Variants in ITGA9 observed in about 807,000 individuals in gnomAD.
The protein encoded by ITGA9 is integrin alpha-9.
In ITGA9, 56 loss-of-function variants were observed where a neutral mutation model predicts 127.8. That is an observed-to-expected ratio of 0.44 (90% CI 0.35 to 0.55). The LOEUF (loss-of-function observed/expected upper bound fraction) is 0.55. Ranked by LOEUF, ITGA9 falls within the 20% of genes least tolerant of loss-of-function variation. The pLI is 0.00. For missense variants in ITGA9, 1,196 were observed against 1,347.1 expected, an observed-to-expected ratio of 0.89 and a Z score of 1.76; for synonymous variants, 508 against 514.5, an observed-to-expected ratio of 0.99 and a Z score of 0.17.
At position 37,519,031 on chromosome 3, in the gene ITGA9, C is replaced by T. The variant is rs565192435; in HGVS notation, c.1142-229C>T. On this transcript the variant is annotated intron_variant, in intron 10 of 27. Coordinates refer to ENST00000264741, the MANE Select transcript of ITGA9 (RefSeq NM_002207.3). ...AACTCTTGACCTCAGGCGACCTGCCCGCCTTGGCCTGCCAAAGTGCTGGGA... is the reference window on the plus strand; with the variant it reads ...AACTCTTGACCTCAGGCGACCTGCCTGCCTTGGCCTGCCAAAGTGCTGGGA... 1.3e-5 allele frequency among the ~76,000 whole-genome samples: 2 copies of T among 151,184 alleles called. 1 individual carries two copies. Among genetic ancestry groups the T allele is most frequent in the African/African-American group, 4.9e-5 (2 of 41,220 alleles).
At chr3:37,783,581 C>G (rs2125553235) in intron 25 of ITGA9, among the ~76,000 whole-genome samples, 1 of 152,228 alleles carries the variant, frequency 6.6e-6, no homozygotes, top group African/African-American at 2.4e-5. Context: ...AAGTGATCCT[C>G]CCACTTCAGT....
At chr3:37,677,587 A>G (rs531523001) in intron 17 of ITGA9, among the ~76,000 whole-genome samples, 1 of 152,366 alleles carries the variant, frequency 6.6e-6, no homozygotes, top group East Asian at 1.9e-4. Context: ...AGTATGTTTC[A>G]TATACATTGA....
intron 15 of ITGA9, among the ~76,000 whole-genome samples, chr3:37,560,184 G>A (rs575246571): frequency 2.2e-4 from 34 of 151,792 alleles, no homozygotes; most frequent in Admixed American, 2.2e-3. Flanking sequence ...TCCCACCTAT[G>A]AGTGAGAACA....
intron 4 of ITGA9, among the ~76,000 whole-genome samples, chr3:37,483,757 T>TG: frequency 6.6e-6 from 1 of 152,188 alleles, no homozygotes; most frequent in South Asian, 2.1e-4. Context: ...TGGTAGGAGC[T>TG]GGGGGGAGAC....
chr3:37,458,603 T>C (rs1698284546), intron 1 of ITGA9, among the ~76,000 whole-genome samples: 1 of 152,244 alleles, frequency 6.6e-6, no homozygotes, highest in South Asian at 2.1e-4. Context: ...GCCTTGCAGC[T>C]GAACAGCATG....
intron 18 of ITGA9, among the ~76,000 whole-genome samples, chr3:37,730,220 C>T (rs937470251): frequency 6.6e-6 from 1 of 152,064 alleles, no homozygotes; most frequent in Non-Finnish European, 1.5e-5. Flanking sequence ...ACTAATTATA[C>T]CAGAATGACA....
chr3:37,625,877 C>T (rs993497903), intron 15 of ITGA9, among the ~76,000 whole-genome samples: 2 of 152,170 alleles, frequency 1.3e-5, no homozygotes, highest in African/African-American at 4.8e-5. Context: ...TCCACCCATG[C>T]CTCAGTGTGG....
chr3:37,730,501 G>C (rs1011935358), intron 18 of ITGA9, among the ~76,000 whole-genome samples: 3 of 152,312 alleles, frequency 2.0e-5, no homozygotes, highest in African/African-American at 7.2e-5. Context: ...GCCAATGCCT[G>C]TTCTCTAGGT....
chr3:37,606,657 C>T (rs900179658), intron 15 of ITGA9, among the ~76,000 whole-genome samples: 3 of 152,208 alleles, frequency 2.0e-5, no homozygotes, highest in Admixed American at 1.3e-4. Flanking sequence ...TTGCTTTTGC[C>T]ATCTCAGCAT....
chr3:37,532,321 C>T (rs771450852), intron 13 of ITGA9, among the ~76,000 whole-genome samples: 7 of 152,246 alleles, frequency 4.6e-5, no homozygotes, highest in Non-Finnish European at 7.3e-5. Context: ...TTTTCCTTAA[C>T]GCTTTCTTCC....
intron 25 of ITGA9, among the ~76,000 whole-genome samples, chr3:37,784,403 T>G (rs981636882): frequency 6.6e-6 from 1 of 152,198 alleles, no homozygotes; most frequent in Admixed American, 6.5e-5. Flanking sequence ...CCCCTGCCCC[T>G]TTCTCCTTAA....
At chr3:37,468,070 T>C (rs1698390345) in intron 1 of ITGA9, among the ~76,000 whole-genome samples, 1 of 152,112 alleles carries the variant, frequency 6.6e-6, no homozygotes, top group African/African-American at 2.4e-5. Flanking sequence ...AGGGAGGCAA[T>C]GTGATCTGTT....
At chr3:37,804,215 T>G (rs1697267774) in intron 27 of ITGA9, among the ~76,000 whole-genome samples, 1 of 152,220 alleles carries the variant, frequency 6.6e-6, no homozygotes, top group Non-Finnish European at 1.5e-5. Flanking sequence ...GGTGAGAACC[T>G]AACTCCAAAA....
chr3:37,540,174 G>A (rs1172886598), intron 14 of ITGA9, among the ~76,000 whole-genome samples: 2 of 152,188 alleles, frequency 1.3e-5, no homozygotes, highest in Non-Finnish European at 2.9e-5. Context: ...CAGTCTCGCT[G>A]TTCTCTCCAT....
intron 13 of ITGA9, among the ~76,000 whole-genome samples, chr3:37,529,196 A>G (rs377576473): frequency 1.3e-5 from 2 of 152,236 alleles, no homozygotes; most frequent in Admixed American, 6.5e-5. Flanking sequence ...AATCCATGAC[A>G]TAAGTGGGGC....
At chr3:37,592,683 A>G (rs1699832370) in intron 15 of ITGA9, among the ~76,000 whole-genome samples, 1 of 152,120 alleles carries the variant, frequency 6.6e-6, no homozygotes, top group South Asian at 2.1e-4. Context: ...GAGAATATGT[A>G]GGGGGACGAA....
chr3:37,628,137 GCTTCT>G (rs1489300803), intron 15 of ITGA9, among the ~76,000 whole-genome samples: 2 of 152,160 alleles, frequency 1.3e-5, no homozygotes, highest in African/African-American at 4.8e-5. Context: ...TGCCCGCCCA[GCTTCT>G]CTTCTCATTC....
chr3:37,724,964 C>T (rs1263368897), intron 18 of ITGA9, among the ~76,000 whole-genome samples: 2 of 152,122 alleles, frequency 1.3e-5, no homozygotes, highest in Non-Finnish European at 2.9e-5. Context: ...AAGGCTTATA[C>T]TTGATCTTTG....
chr3:37,769,847 G>C (rs1696822243), intron 23 of ITGA9, among the ~76,000 whole-genome samples: 1 of 152,184 alleles, frequency 6.6e-6, no homozygotes. Flanking sequence ...TAGGAGCTGT[G>C]CTCTGAGGGG....
Sources: gnomAD v4.1 joint callset for allele counts (sites outside exome capture counted in the v4.1 genomes callset) on GRCh38, gnomAD v4.1.1 for gene constraint, MANE v1.5 for transcripts, NCBI Gene and HGNC (gene_info 2026-07-23, HGNC 2026-07-21) for gene names.